The following GNG7 variants were observed in gnomAD, a reference collection of about 807,000 sequenced individuals.
The protein encoded by GNG7 is G protein subunit gamma 7.
Under a neutral mutation model 4.0 loss-of-function variants are expected in GNG7, and 1 was observed. The observed-to-expected ratio is 0.25, with a 90% confidence interval of 0.09 to 1.18. The LOEUF is 1.18. Among genes scored for constraint, GNG7 ranks in the 50% most tolerant of loss-of-function variants. The pLI is 0.50. For missense variants in GNG7, 86 were observed against 91.9 expected, an observed-to-expected ratio of 0.94 and a Z score of 0.26; for synonymous variants, 34 against 36.9, an observed-to-expected ratio of 0.92 and a Z score of 0.29.
In GNG7 at chr19:2,557,345, GCACACACACAGA is replaced by G. The variant is rs80355504; in HGVS notation, c.-77-2169_-77-2158del. 0.21 allele frequency among the ~76,000 whole-genome samples: 31,930 copies of G among 150,912 alleles called. 3,396 individuals are homozygous for G. Among genetic ancestry groups the G allele is most frequent in the South Asian group, 0.24 (1,159 of 4,776 alleles). On this transcript the variant is annotated intron_variant, in intron 2 of 4. Coordinates refer to ENST00000382159, the MANE Select transcript of GNG7 (RefSeq NM_052847.3). The surrounding 1 kb of genome is among the most constrained non-coding windows in gnomAD (Gnocchi z 5.1). The stretch of plus-strand genomic sequence containing the variant: ...CATGTGCACACAGACACACACATGT[GCACACACACAGA>G]CACACACACACGTGCACGCACACAT...
intron 2 of GNG7, among the ~76,000 whole-genome samples, chr19:2,571,659 G>A (rs747398755): frequency 3.5e-5 from 5 of 143,824 alleles, no homozygotes; most frequent in Non-Finnish European, 6.0e-5. Flanking sequence ...GCAGAGGTGC[G>A]GTCTCGGCTC....
At chr19:2,655,838 GAAAAAA>G (rs56041767) in intron 1 of GNG7, among the ~76,000 whole-genome samples, 1 of 54,724 alleles carries the variant, frequency 1.8e-5, no homozygotes, top group Non-Finnish European at 3.3e-5. Flanking sequence ...GGCTCCGTCT[GAAAAAA>G]AAAAAAAAAA....
chr19:2,684,783 G>C (rs578138756), intron 1 of GNG7, among the ~76,000 whole-genome samples: 121 of 152,116 alleles, frequency 8.0e-4, no homozygotes, highest in African/African-American at 2.7e-3. Flanking sequence ...GAGGTCAGGA[G>C]TTCACGACCA....
chr19:2,657,348 AAAAAAAAAAAAAAATATAT>A (rs1360972550), intron 1 of GNG7, among the ~76,000 whole-genome samples: 2 of 41,102 alleles, frequency 4.9e-5, no homozygotes, highest in African/African-American at 1.0e-4. Context: ...AAAAAAAAAA[AAAAAAAAAAAAAAATATAT>A]ATATATATAT....
intron 2 of GNG7, among the ~76,000 whole-genome samples, chr19:2,616,698 G>A (rs112777059): frequency 2.6e-5 from 4 of 152,036 alleles, no homozygotes; most frequent in African/African-American, 9.6e-5. Context: ...GCTTGAACCC[G>A]GGAGGCAGAG....
chr19:2,622,592 G>T (rs1488360051), intron 2 of GNG7, among the ~76,000 whole-genome samples: 1 of 148,126 alleles, frequency 6.8e-6, no homozygotes, highest in African/African-American at 2.5e-5. Context: ...GCAGAGAGGG[G>T]GGCTTCCGGG....
At chr19:2,547,862 A>G (rs1442093495) in intron 3 of GNG7, among the ~76,000 whole-genome samples, 3 of 152,172 alleles carry the variant, frequency 2.0e-5, no homozygotes, top group African/African-American at 7.2e-5. Flanking sequence ...CTCCATCCAT[A>G]GCAGGTGCTG....
chr19:2,525,971 A>ATTTTGTTTTTTTTTTTTTTTT (rs756144866), intron 3 of GNG7, among the ~76,000 whole-genome samples: 1 of 75,684 alleles, frequency 1.3e-5, no homozygotes, highest in Non-Finnish European at 2.3e-5. Flanking sequence ...CTCCACGCCA[A>ATTTTGTTTTTTTTTTTTTTTT]TTTTTTTTTT....
At chr19:2,689,421 G>A (rs879111248) in intron 1 of GNG7, among the ~76,000 whole-genome samples, 30 of 151,540 alleles carry the variant, frequency 2.0e-4, no homozygotes, top group Admixed American at 1.4e-3. Context: ...TCAGAAGTTC[G>A]AGACCAGCCT....
chr19:2,702,138 C>T (rs1465161119), intron 1 of GNG7, among the ~76,000 whole-genome samples: 1 of 149,826 alleles, frequency 6.7e-6, no homozygotes, highest in African/African-American at 2.5e-5. Flanking sequence ...AACTCCAGTC[C>T]CCTCCCCAGA....
At chr19:2,551,627 A>ATG (rs374520254) in intron 3 of GNG7, among the ~76,000 whole-genome samples, 1 of 147,072 alleles carries the variant, frequency 6.8e-6, no homozygotes, top group African/African-American at 2.5e-5. Context: ...ATTTATAAAT[A>ATG]TATAAAAACA....
Position 2,607,636 on chromosome 19 carries a change from C to T in GNG7, c.-78+38588G>A, listed in dbSNP as rs527927772. On this transcript the variant is annotated intron_variant, in intron 2 of 4. Coordinates refer to ENST00000382159, the MANE Select transcript of GNG7 (RefSeq NM_052847.3). ...ACATATTAGGATGGGGCAAGCTAAA[C>T]TACATTGTTATGTATTTTAACAACA... is the stretch of plus-strand genomic sequence containing the variant. Among the ~76,000 whole-genome samples, 9 of 149,194 alleles carry T rather than the reference C, an allele frequency of 6.0e-5. No homozygotes were observed. The East Asian group carries it at 1.8e-3, about 29-fold the overall frequency.
chr19:2,618,836 T>C lies in GNG7; in HGVS notation c.-78+27388A>G, dbSNP rs1311165951. ...TCCTAGTAACCAAATGCCACAGCGA[T>C]TCAGCTTCCCTCAGTTTTCCCCTCA... On this transcript the variant is annotated intron_variant, in intron 2 of 4. Coordinates refer to ENST00000382159, the MANE Select transcript of GNG7 (RefSeq NM_052847.3). This position sits in a 1 kb window ranked among gnomAD's most constrained non-coding sequence, Gnocchi z 5.1. Among the ~76,000 whole-genome samples the C allele has an allele frequency of 6.6e-6, 1 of 152,102 alleles. No homozygotes were observed. Among genetic ancestry groups the C allele is most frequent in the Non-Finnish European group, 1.5e-5 (1 of 68,016 alleles).
rs71337161 is a variant in GNG7 at position 2,633,470 on chromosome 19, GGCGCGCGCGC to G, written c.-78+12744_-78+12753del. Among the ~76,000 whole-genome samples, 2 of 132,366 alleles carry G rather than the reference GGCGCGCGCGC, an allele frequency of 1.5e-5. No individual in the cohort carries two copies. The highest frequency in any genetic ancestry group is 6.6e-5 in the African/African-American group (2 of 30,466). The allele number at this position is 132,366 out of a possible 152,430, so 86.8% of individuals were successfully genotyped here. A position where few individuals can be genotyped will look rare whatever the true frequency, so the allele number is the denominator to read the frequency against. Reference sequence around the variant, plus strand: ...CTGTTCAAGCGGTTGCTTAGCAACAGGCGCGCGCGCGCGCGCGCACACACACACACACACA... The same window carrying G: ...CTGTTCAAGCGGTTGCTTAGCAACAGGCGCGCGCACACACACACACACACA... On this transcript the variant is annotated intron_variant, in intron 2 of 4. Transcript: ENST00000382159. The surrounding 1 kb of genome is among the most constrained non-coding windows in gnomAD (Gnocchi z 5.9).
chr19:2,608,819 G>C (rs1981474133), intron 2 of GNG7, among the ~76,000 whole-genome samples: 2 of 152,220 alleles, frequency 1.3e-5, no homozygotes, highest in Non-Finnish European at 1.5e-5. Flanking sequence ...GGCCTCATCA[G>C]ACCCCTGCAG....
chr19:2,655,374 T>C (rs1341524891), intron 1 of GNG7, among the ~76,000 whole-genome samples: 3 of 152,006 alleles, frequency 2.0e-5, no homozygotes, highest in Non-Finnish European at 1.5e-5. Flanking sequence ...CAAAATGAGA[T>C]ACCTGTTAGA....
At chr19:2,548,375 G>A (rs900916619) in intron 3 of GNG7, among the ~76,000 whole-genome samples, 1 of 151,350 alleles carries the variant, frequency 6.6e-6, no homozygotes, top group Non-Finnish European at 1.5e-5. Flanking sequence ...CAGCTACTCG[G>A]GAGGCTAAGG....
At chr19:2,558,855 A>G (rs969450656) in intron 2 of GNG7, among the ~76,000 whole-genome samples, 1 of 149,718 alleles carries the variant, frequency 6.7e-6, no homozygotes, top group African/African-American at 2.5e-5. Flanking sequence ...ATGGAGTGCA[A>G]TGGCGCGATC....
intron 2 of GNG7, among the ~76,000 whole-genome samples, chr19:2,591,491 G>A (rs182572162): frequency 6.8e-6 from 1 of 147,888 alleles, no homozygotes; most frequent in South Asian, 2.1e-4. Flanking sequence ...AGAGATTATA[G>A]GGGACTGAGT....
Sources: gnomAD v4.1 joint callset for allele counts (sites outside exome capture counted in the v4.1 genomes callset) on GRCh38, gnomAD v4.1.1 for gene constraint, Gnocchi (gnomAD v3.1) non-coding constraint, MANE v1.5 for transcripts, NCBI Gene and HGNC (gene_info 2026-07-23, HGNC 2026-07-21) for gene names.